The following HECW2 variants were observed in gnomAD, a reference collection of about 807,000 sequenced individuals.
The protein encoded by HECW2 is E3 ubiquitin-protein ligase HECW2.
Under a neutral mutation model 175.2 loss-of-function variants are expected in HECW2, and 61 were observed. The observed-to-expected ratio is 0.35, with a 90% CI of 0.28 to 0.43. The LOEUF (loss-of-function observed/expected upper bound fraction) is 0.43. HECW2 is among the 20% of genes least tolerant of loss of function. The probability of loss-of-function intolerance (pLI) is 1.00; values close to 1 mark genes in which losing one functional copy is unlikely to be tolerated. For missense variants in HECW2, 1,524 were observed against 2,000.5 expected, an observed-to-expected ratio of 0.76 and a Z score of 4.54; for synonymous variants, 671 against 731.0, an observed-to-expected ratio of 0.92 and a Z score of 1.32.
chr2:196,323,970 C>T (rs1692056405), intron 6 of HECW2, among the ~76,000 whole-genome samples: 1 of 131,126 alleles, frequency 7.6e-6, no homozygotes, highest in South Asian at 2.6e-4. Flanking sequence ...TTTCTTAAAC[C>T]AAGTGTAAGA....
chr2:196,567,470 A>T (rs1004463212), intron 1 of HECW2, among the ~76,000 whole-genome samples: 4 of 152,178 alleles, frequency 2.6e-5, no homozygotes, highest in African/African-American at 9.7e-5. Flanking sequence ...ACAAGAAAGC[A>T]GATGTTGCTA....
At chr2:196,466,127 G>A (rs1696943640) in intron 1 of HECW2, among the ~76,000 whole-genome samples, 1 of 152,174 alleles carries the variant, frequency 6.6e-6, no homozygotes, top group African/African-American at 2.4e-5. Flanking sequence ...CAGTGATCAA[G>A]TATAAATGAC....
intron 1 of HECW2, among the ~76,000 whole-genome samples, chr2:196,439,287 G>A (rs1695972176): frequency 6.6e-6 from 1 of 152,140 alleles, no homozygotes; most frequent in Non-Finnish European, 1.5e-5. Context: ...CTGGGGAGAG[G>A]AACACCAGGA....
intron 1 of HECW2, among the ~76,000 whole-genome samples, chr2:196,469,922 A>G (rs944524108): frequency 6.6e-6 from 1 of 152,080 alleles, no homozygotes; most frequent in African/African-American, 2.4e-5. Context: ...TGAATCCAAA[A>G]AAAATTCAAG....
At chr2:196,301,299 C>T (rs1043993469) in intron 13 of HECW2, among the ~76,000 whole-genome samples, 10 of 152,050 alleles carry the variant, frequency 6.6e-5, no homozygotes, top group African/African-American at 9.7e-5. Context: ...TGGGTTGATT[C>T]CATGTCTTTG....
chr2:196,292,438 G>A (rs1690635471), intron 14 of HECW2, 127 bp downstream of exon 14: 1 of 765,656 alleles, frequency 1.3e-6, no homozygotes, highest in Admixed American at 2.5e-5. Context: ...GGTTTCACTT[G>A]AACAGAAGGT....
chr2:196,485,492 T>C (rs772411002), intron 1 of HECW2, among the ~76,000 whole-genome samples: 1 of 152,190 alleles, frequency 6.6e-6, no homozygotes, highest in African/African-American at 2.4e-5. Context: ...GCTTCCAAGA[T>C]GGTGCCTTGT....
At position 196,320,322 on chromosome 2, in the gene HECW2, A is replaced by G. The variant is rs750070175; in HGVS notation, c.985+17T>C. The G allele has an allele frequency of 1.6e-5, 23 of 1,463,546 alleles. No homozygotes were observed. The Admixed American group carries it at 3.9e-4, about 25-fold the overall frequency. 90.7% of individuals were successfully genotyped at this position (1,463,546 alleles called of 1,614,324 possible). On this transcript the variant is annotated intron_variant, in intron 8 of 28. Transcript: ENST00000644978. ...TTCCTATAGCAATGTATTCATACAG[A>G]TATATTTATATCTCACCTTCATGAA...
intron 13 of HECW2, among the ~76,000 whole-genome samples, chr2:196,300,104 GT>G (rs1690986889): frequency 6.6e-6 from 1 of 152,152 alleles, no homozygotes. Flanking sequence ...CATAGTGGGC[GT>G]ATTAACACTA....
In HECW2 at chr2:196,318,718, C is replaced by T. The variant is rs767786470; in HGVS notation, c.2172G>A (p.Ser724=). 70 of 1,558,700 alleles carry T rather than the reference C, an allele frequency of 4.5e-5. No homozygotes were observed. Among genetic ancestry groups the T allele is most frequent in the Non-Finnish European group, 5.5e-5 (64 of 1,153,508 alleles). The part of the protein sequence containing the change: ...SGEDEGPGAE[S]ATVPDQEELG... ...GCTCCTCCTGGTCAGGTACAGTGGCCGATTCTGCCCCTGGCCCTTCATCCT... is the reference window on the plus strand; with the variant it reads ...GCTCCTCCTGGTCAGGTACAGTGGCTGATTCTGCCCCTGGCCCTTCATCCT... The change falls in exon 9 of 29, where the codon TCG becomes TCA. Residue 724 remains serine, a synonymous_variant. Coordinates refer to ENST00000644978, the MANE Select transcript of HECW2 (RefSeq NM_001348768.2).
At chr2:196,522,563 T>A (rs936873544) in intron 1 of HECW2, among the ~76,000 whole-genome samples, 2 of 152,100 alleles carry the variant, frequency 1.3e-5, no homozygotes, top group African/African-American at 4.8e-5. Context: ...CATGCCTATG[T>A]CCTGAATGGT....
At chr2:196,559,051 G>A (rs1210240204) in intron 1 of HECW2, among the ~76,000 whole-genome samples, 1 of 152,102 alleles carries the variant, frequency 6.6e-6, no homozygotes, top group Non-Finnish European at 1.5e-5. Context: ...TTACAATTAT[G>A]GAACTCAAAA....
At chr2:196,414,774 C>T (rs896987516) in intron 2 of HECW2, among the ~76,000 whole-genome samples, 1 of 152,168 alleles carries the variant, frequency 6.6e-6, no homozygotes, top group African/African-American at 2.4e-5. Flanking sequence ...CACACCTGGT[C>T]CACAAGAATC....
intron 1 of HECW2, among the ~76,000 whole-genome samples, chr2:196,465,213 T>C (rs1696903715): frequency 1.3e-5 from 2 of 152,104 alleles, no homozygotes; most frequent in African/African-American, 2.4e-5. Context: ...TTTAAGCAGA[T>C]GGATTGGAAT....
chr2:196,259,458 C>T (rs6723635), intron 17 of HECW2, among the ~76,000 whole-genome samples: 35,510 of 152,144 alleles, frequency 0.23, 6,489 homozygotes, highest in African/African-American at 0.5. Flanking sequence ...GAGTTCAGTC[C>T]TTGGTTTCTT....
rs1336478058 is a variant in HECW2 at position 196,201,233 on chromosome 2, T to C, written c.*44A>G. The C allele has an allele frequency of 8.1e-7, 1 of 1,239,962 alleles. No individual in the cohort carries two copies. The highest frequency in any genetic ancestry group is 1.7e-5 in the Admixed American group (1 of 59,386). The allele number at this position is 1,239,962 out of a possible 1,614,324, so 76.8% of individuals were successfully genotyped here. A position where few individuals can be genotyped will look rare whatever the true frequency, so the allele number is the denominator to read the frequency against. On this transcript the variant is annotated 3_prime_UTR_variant, in exon 29 of 29. Coordinates refer to ENST00000644978, the MANE Select transcript of HECW2 (RefSeq NM_001348768.2). ...TTCAATCATTCTTCTAGAAGGCAGC[T>C]TCTGAACCTGCCTGTCCACAGAGAT...
chr2:196,214,555 T>G (rs1373543249), intron 28 of HECW2, among the ~76,000 whole-genome samples: 1 of 152,176 alleles, frequency 6.6e-6, no homozygotes, highest in African/African-American at 2.4e-5. Flanking sequence ...ATAAATAAAA[T>G]GAGCTAGTTC....
At chr2:196,382,070 C>T (rs1356242791) in intron 2 of HECW2, among the ~76,000 whole-genome samples, 2 of 151,956 alleles carry the variant, frequency 1.3e-5, no homozygotes, top group Non-Finnish European at 2.9e-5. Context: ...CTGGAAAAAT[C>T]TGAACAATAT....
At chr2:196,404,925 C>T (rs368133408) in intron 2 of HECW2, among the ~76,000 whole-genome samples, 10 of 149,438 alleles carry the variant, frequency 6.7e-5, no homozygotes, top group Admixed American at 2.7e-4. Flanking sequence ...CCCAGGTTCA[C>T]GCCATTCTCC....
Sources: gnomAD v4.1 joint callset for allele counts (sites outside exome capture counted in the v4.1 genomes callset) on GRCh38, gnomAD v4.1.1 for gene constraint, MANE v1.5 for transcripts, NCBI Gene and HGNC (gene_info 2026-07-23, HGNC 2026-07-21) for gene names.